Variants in LRP6 observed in about 807,000 individuals in gnomAD.
LRP6 encodes the protein LDL receptor related protein 6, also known as low-density lipoprotein receptor-related protein 6.
A neutral mutation model predicts 184.1 loss-of-function variants in LRP6; 43 were observed. That is an observed-to-expected ratio of 0.23 (90% CI 0.18 to 0.30). LRP6 has a LOEUF of 0.30. Ranked by LOEUF, LRP6 falls within the 10% of genes least tolerant of loss-of-function variation. LRP6 has a pLI of 1.00. For synonymous variants in LRP6, 719 were observed against 684.9 expected, an observed-to-expected ratio of 1.05 and a Z score of -0.78; for missense variants, 1,571 against 2,005.3, an observed-to-expected ratio of 0.78 and a Z score of 4.14.
At chr12:12,141,142 G>A (rs1949928548) in intron 15 of LRP6, among the ~76,000 whole-genome samples, 1 of 151,716 alleles carries the variant, frequency 6.6e-6, no homozygotes. Flanking sequence ...GGGAAAGAAG[G>A]GGAAGGAGAA....
chr12:12,207,752 G>C (rs1306221601), intron 2 of LRP6, among the ~76,000 whole-genome samples: 2 of 152,098 alleles, frequency 1.3e-5, no homozygotes, highest in Admixed American at 1.3e-4. Context: ...ACACTTGCAA[G>C]CTAGTCTCTG....
chr12:12,227,799 G>C (rs1368107668), intron 2 of LRP6, among the ~76,000 whole-genome samples: 3 of 152,114 alleles, frequency 2.0e-5, no homozygotes, highest in African/African-American at 7.2e-5. Context: ...ATATATAAGT[G>C]AAATGAATGA....
chr12:12,230,693 G>C (rs1454522162), intron 2 of LRP6, among the ~76,000 whole-genome samples: 1 of 152,146 alleles, frequency 6.6e-6, no homozygotes, highest in African/African-American at 2.4e-5. Flanking sequence ...ATGTAAGTCA[G>C]AGTTTCTATT....
At chr12:12,212,894 T>C (rs377170463) in intron 2 of LRP6, among the ~76,000 whole-genome samples, 233 of 152,356 alleles carry the variant, frequency 1.5e-3, no homozygotes, top group Non-Finnish European at 2.1e-3. Context: ...TTAGAACTTA[T>C]CCAGCTCACC....
At position 12,124,750 on chromosome 12, in the gene LRP6, G is replaced by A. The variant is rs1949650587; in HGVS notation, c.4450-88C>T. On this transcript the variant is annotated intron_variant, in intron 21 of 22. Transcript: ENST00000261349. ...AACTTTTCTTCCTTCATCTCTATTA[G>A]TGTTTCTTTACAATACACTATTAGC... 1.6e-5 allele frequency: 13 copies of A among 825,498 alleles called. No homozygotes were observed. The South Asian group carries it at 2.0e-4, about 13-fold the overall frequency. The allele number at this position is 825,498 out of a possible 1,614,324, so 51.1% of individuals were successfully genotyped here. A position where few individuals can be genotyped will look rare whatever the true frequency, so the allele number is the denominator to read the frequency against.
At chr12:12,165,000 CAAT>C in intron 8 of LRP6, 76 bp downstream of exon 8, 1 of 834,318 alleles carries the variant, frequency 1.2e-6, no homozygotes, top group Non-Finnish European at 1.8e-6. Context: ...CTCAAAACAT[CAAT>C]AATTTACACT....
chr12:12,136,502 G>A (rs1355885283), intron 16 of LRP6, among the ~76,000 whole-genome samples: 1 of 152,152 alleles, frequency 6.6e-6, no homozygotes, highest in Non-Finnish European at 1.5e-5. Flanking sequence ...GAAACCACTA[G>A]GCAACTTTTC....
At chr12:12,152,202 G>A (rs1950091185) in intron 12 of LRP6, among the ~76,000 whole-genome samples, 1 of 152,024 alleles carries the variant, frequency 6.6e-6, no homozygotes, top group South Asian at 2.1e-4. Context: ...TTTGTCTCTT[G>A]CCACCGCCAG....
intron 12 of LRP6, among the ~76,000 whole-genome samples, chr12:12,156,573 C>T (rs1332692210): frequency 3.3e-5 from 5 of 152,188 alleles, no homozygotes; most frequent in African/African-American, 4.8e-5. Context: ...ATGTCACTAT[C>T]GTTTCCTTTT....
At chr12:12,249,003 C>G (rs1254443136) in intron 1 of LRP6, 2 of 580,854 alleles carry the variant, frequency 3.4e-6, no homozygotes, top group Admixed American at 2.8e-5. Context: ...GCAGCCACCA[C>G]AGGCTCGGGG....
At chr12:12,139,049 T>C in intron 15 of LRP6, 2 of 1,258,680 alleles carry the variant, frequency 1.6e-6, no homozygotes, top group Non-Finnish European at 1.0e-6. Context: ...TCTGCTATTG[T>C]TGCACAGTGA....
rs528649728 is a variant in LRP6, at chr12:12,210,670, A to G, written c.450-7270T>C. 8.5e-5 allele frequency among the ~76,000 whole-genome samples: 13 copies of G among 152,384 alleles called. No individual in the cohort carries two copies. In the South Asian group the frequency reaches 1.9e-3, roughly 22 times the overall value. ...TGTGACACATGTAAGTAACTCTGAA[A>G]GGACCTATAAAAAGCCACAGGTCCT... is the stretch of plus-strand genomic sequence containing the variant. On this transcript the variant is annotated intron_variant, in intron 2 of 22. Coordinates refer to ENST00000261349, the MANE Select transcript of LRP6 (RefSeq NM_002336.3).
chr12:12,259,717 T>C (rs1023344968), intron 1 of LRP6, among the ~76,000 whole-genome samples: 4 of 152,218 alleles, frequency 2.6e-5, no homozygotes, highest in Admixed American at 6.5e-5. Context: ...AAATAAATAA[T>C]TTTAAGAGCA....
Position 12,121,360 on chromosome 12 carries a change from A to G in LRP6, c.4608T>C (p.Val1536=). 1.2e-6 allele frequency: 2 copies of G among 1,614,126 alleles called. No homozygotes were observed. Among genetic ancestry groups the G allele is most frequent in the South Asian group, 1.1e-5 (1 of 91,080 alleles). The stretch of plus-strand genomic sequence containing the variant: ...GACTAGGAGCATAGTCACTGTCACA[A>G]ACATCTGTGCTGCAGGGTGTGGTGG... ...APPTTPCSTD[V]CDSDYAPSRR... Residue 1536 remains valine, a synonymous_variant, in exon 23 of 23, where the codon GTT becomes GTC. Transcript: ENST00000261349.
At chr12:12,179,239 G>A (rs1320349591) in intron 7 of LRP6, among the ~76,000 whole-genome samples, 1 of 151,966 alleles carries the variant, frequency 6.6e-6, no homozygotes, top group Non-Finnish European at 1.5e-5. Context: ...TTTTTCCCAA[G>A]CTTTGGTTAA....
chr12:12,226,259 T>C (rs956129398), intron 2 of LRP6, among the ~76,000 whole-genome samples: 1 of 152,236 alleles, frequency 6.6e-6, no homozygotes, highest in Non-Finnish European at 1.5e-5. Context: ...CAATTCCTTT[T>C]ATCTGATATA....
chr12:12,148,969 C>T lies in LRP6; in HGVS notation c.3179G>A (p.Arg1060Gln). 3 of 1,613,580 alleles carry T rather than the reference C, an allele frequency of 1.9e-6. No individual in the cohort carries two copies. Among genetic ancestry groups the T allele is most frequent in the Non-Finnish European group, 1.7e-6 (2 of 1,179,838 alleles). ...VVLKGEQDRP[R>Q]AVVVNPEKGY... ...TTTCTCTGGGTTTACCACAACGGCT[C>T]GAGGTCTGTCCTGCTCGCCTTTCAG... The change falls in exon 14 of 23, where the codon CGA becomes CAA. Residue 1060 changes from arginine to glutamine, a missense_variant. Arg to Gln is a conservative substitution (Grantham distance 43). Around this residue, in one of 4 missense-constraint regions of LRP6, gnomAD observed 763 missense variants for 859.5 expected, o/e 0.89. Coordinates refer to ENST00000261349, the MANE Select transcript of LRP6 (RefSeq NM_002336.3).
chr12:12,117,003 A>G lies in LRP6; in HGVS notation c.*4123T>C, dbSNP rs1425109248. On this transcript the variant is annotated 3_prime_UTR_variant, in exon 23 of 23. Transcript: ENST00000261349. ...ACGTATAATTTTATACTTGAGGTCC[A>G]AAGTCTTCTACCATAAAATGTTGAG... is the stretch of plus-strand genomic sequence containing the variant. 1.3e-5 allele frequency: 2 copies of G among 151,644 alleles called. No homozygotes were observed. The highest frequency in any genetic ancestry group is 3.9e-4 in the East Asian group (2 of 5,184). 9.4% of individuals were successfully genotyped at this position (151,644 alleles called of 1,614,324 possible). A position where few individuals can be genotyped will look rare whatever the true frequency, so the allele number is the denominator to read the frequency against.
intron 1 of LRP6, among the ~76,000 whole-genome samples, chr12:12,262,785 G>A (rs1055086836): frequency 6.6e-6 from 1 of 152,132 alleles, no homozygotes; most frequent in Non-Finnish European, 1.5e-5. Flanking sequence ...AGTACCAGAG[G>A]CTGACATATA....
Sources: gnomAD v4.1 joint callset for allele counts (sites outside exome capture counted in the v4.1 genomes callset) on GRCh38, gnomAD v4.1.1 for gene constraint, gnomAD v4.1.1 regional missense constraint, MANE v1.5 for transcripts, NCBI Gene and HGNC (gene_info 2026-07-23, HGNC 2026-07-21) for gene names.